CHLSN: variants seen among roughly 807,000 people sequenced by gnomAD.
CHLSN encodes the protein protein cholesin.
At chr7:1,044,067 C>CAAAGAAACACTGTGA in the CHLSN span, among the ~76,000 whole-genome samples, 1 of 152,174 alleles carries the variant, frequency 6.6e-6, no homozygotes, top group Admixed American at 6.5e-5. Flanking sequence ...GTGAGTGTTC[C>CAAAGAAACACTGTGA]GTTTACAAAG....
At chr7:1,126,359 C>CA in the CHLSN span, among the ~76,000 whole-genome samples, 14,909 of 40,110 alleles carry the variant, frequency 0.37, 3,153 homozygotes, top group Non-Finnish European at 0.49. Context: ...GACTCTGTCT[C>CA]AAAAAAAAAA....
chr7:1,034,198 G>C, the CHLSN span, among the ~76,000 whole-genome samples: 3 of 152,198 alleles, frequency 2.0e-5, no homozygotes, highest in South Asian at 4.1e-4. Flanking sequence ...GAAATGCTTA[G>C]CTGTAAATTT....
chr7:1,016,376 C>G, the CHLSN span, among the ~76,000 whole-genome samples: 4 of 74,760 alleles, frequency 5.4e-5, no homozygotes, highest in Admixed American at 1.4e-4. Flanking sequence ...CACACGCCAG[C>G]ACACAGCAGC....
At chr7:979,215 T>C in the CHLSN span, among the ~76,000 whole-genome samples, 8 of 152,176 alleles carry the variant, frequency 5.3e-5, no homozygotes, top group Non-Finnish European at 8.8e-5. Context: ...AGCATTGCAA[T>C]CCGGGAGGGT....
chr7:1,126,043 A>G, the CHLSN span, among the ~76,000 whole-genome samples: 5 of 152,226 alleles, frequency 3.3e-5, no homozygotes, highest in African/African-American at 1.2e-4. Flanking sequence ...AACATGATAC[A>G]GTACATAATA....
the CHLSN span, among the ~76,000 whole-genome samples, chr7:1,130,013 C>T: frequency 6.6e-6 from 1 of 152,158 alleles, no homozygotes; most frequent in Admixed American, 6.5e-5. Context: ...GCTGCGGGCA[C>T]CGGTCCTGCC....
chr7:1,124,939 C>T, the CHLSN span, among the ~76,000 whole-genome samples: 2 of 152,164 alleles, frequency 1.3e-5, no homozygotes, highest in African/African-American at 4.8e-5. Context: ...TGCTAGAGAG[C>T]CCAGGACAAG....
At chr7:1,022,651 C>T in the CHLSN span, among the ~76,000 whole-genome samples, 3 of 152,146 alleles carry the variant, frequency 2.0e-5, no homozygotes, top group African/African-American at 7.2e-5. Flanking sequence ...CCAACAGCAT[C>T]GATGTGGTCT....
chr7:1,077,194 C>T, the CHLSN span, among the ~76,000 whole-genome samples: 1 of 152,166 alleles, frequency 6.6e-6, no homozygotes, highest in South Asian at 2.1e-4. Context: ...CTCTCTCTGT[C>T]GCCCAGGCTG....
chr7:1,034,783 C>A, the CHLSN span, among the ~76,000 whole-genome samples: 1 of 63,354 alleles, frequency 1.6e-5, no homozygotes. Flanking sequence ...CCCTCCTTTT[C>A]CTCCTCCCTC....
At chr7:1,073,602 G>A in the CHLSN span, among the ~76,000 whole-genome samples, 2 of 152,070 alleles carry the variant, frequency 1.3e-5, no homozygotes, top group African/African-American at 4.8e-5. Flanking sequence ...TGGAGAAAGC[G>A]AAGAAAGTCC....
the CHLSN span, among the ~76,000 whole-genome samples, chr7:980,433 A>G: frequency 6.6e-6 from 1 of 152,242 alleles, no homozygotes; most frequent in Non-Finnish European, 1.5e-5. Flanking sequence ...CTGGAGGTCC[A>G]CCGGACATCA....
the CHLSN span, among the ~76,000 whole-genome samples, chr7:1,021,878 T>C: frequency 1.3e-5 from 2 of 151,756 alleles, no homozygotes; most frequent in Admixed American, 6.6e-5. Context: ...GGTTTTGGGG[T>C]ATAAACTGAG....
the CHLSN span, among the ~76,000 whole-genome samples, chr7:1,135,121 C>G: frequency 6.6e-6 from 1 of 152,162 alleles, no homozygotes; most frequent in Non-Finnish European, 1.5e-5. Context: ...AGCAGAACTT[C>G]TGCTTTTGCT....
At chr7:1,023,321 C>T in the CHLSN span, among the ~76,000 whole-genome samples, 4 of 152,154 alleles carry the variant, frequency 2.6e-5, no homozygotes, top group Non-Finnish European at 4.4e-5. The surrounding 1 kb of genome is among the most constrained non-coding windows in gnomAD (Gnocchi z 5.0). Context: ...GCGGGGTCTG[C>T]GGAAGCTCGT....
chr7:1,030,519 C>T, the CHLSN span, among the ~76,000 whole-genome samples: 12 of 152,326 alleles, frequency 7.9e-5, no homozygotes, highest in Admixed American at 4.6e-4. Context: ...CTCACGCTTC[C>T]AGCTACCCTG....
the CHLSN span, chr7:1,044,604 C>G: frequency 6.6e-6 from 1 of 151,110 alleles, no homozygotes; most frequent in African/African-American, 2.4e-5. Context: ...GCCGCCTCCG[C>G]CAGCCCGAGC....
chr7:999,547 C>T, the CHLSN span, among the ~76,000 whole-genome samples: 2 of 152,084 alleles, frequency 1.3e-5, no homozygotes, highest in Admixed American at 6.5e-5. Context: ...TGCACTCCAG[C>T]CTGGGCGGGG....
At chr7:1,117,987 C>T in the CHLSN span, among the ~76,000 whole-genome samples, 5 of 152,116 alleles carry the variant, frequency 3.3e-5, no homozygotes, top group African/African-American at 9.7e-5. Flanking sequence ...AAAAGGAAGC[C>T]CATCGTTCCT....
Sources: allele counts gnomAD v4.1 joint callset (sites outside exome capture counted in the v4.1 genomes callset), GRCh38; gene constraint gnomAD v4.1.1; non-coding constraint Gnocchi (gnomAD v3.1); transcripts MANE v1.5; gene names NCBI Gene and HGNC (gene_info 2026-07-23, HGNC 2026-07-21).